CADM2: variants seen among roughly 807,000 people sequenced by gnomAD.
CADM2 encodes the protein immunoglobulin superfamily member 4D.
CADM2 carries 12 observed loss-of-function variants against 49.8 expected under a neutral mutation model. The observed-to-expected ratio is 0.24, with a 90% confidence interval of 0.15 to 0.39. The LOEUF is 0.39. CADM2 is among the 10% of genes least tolerant of loss of function. CADM2 has a pLI of 1.00. For missense variants in CADM2, 378 were observed against 492.3 expected (o/e 0.77, Z 2.20); for synonymous variants, 214 against 175.4 (o/e 1.22, Z -1.74).
In CADM2 at chr3:85,741,636, C is replaced by A. The variant is rs186497535; in HGVS notation, c.88+15088C>A. 1.5e-4 allele frequency among the ~76,000 whole-genome samples: 23 copies of A among 152,246 alleles called. 1 individual carries two copies. In the East Asian group the frequency reaches 4.5e-3, roughly 30 times the overall value. The stretch of plus-strand genomic sequence containing the variant: ...TGAGCCGAGATCGTGCCATTGCACT[C>A]CAGCCTGGGCGACAGGCAAGACTCT... On this transcript the variant is annotated intron_variant, in intron 2 of 9. Transcript: ENST00000383699.
chr3:85,398,841 G>A (rs2034935363), intron 1 of CADM2, among the ~76,000 whole-genome samples: 1 of 151,926 alleles, frequency 6.6e-6, no homozygotes, highest in African/African-American at 2.4e-5. Flanking sequence ...TTGCCCAGTT[G>A]TTGAGGGGGT....
At chr3:86,041,089 C>T (rs564391398) in intron 8 of CADM2, among the ~76,000 whole-genome samples, 12 of 152,250 alleles carry the variant, frequency 7.9e-5, no homozygotes, top group South Asian at 2.1e-4. Context: ...AAACACTAAA[C>T]GTGGAAAGGA....
chr3:85,151,694 G>A lies in CADM2; in HGVS notation c.61+192026G>A, dbSNP rs1397371765. 3.3e-5 allele frequency among the ~76,000 whole-genome samples: 5 copies of A among 152,116 alleles called. No homozygotes were observed. In the East Asian group the frequency reaches 9.7e-4, roughly 29 times the overall value. On this transcript the variant is annotated intron_variant, in intron 1 of 9. Coordinates refer to ENST00000383699, the MANE Select transcript of CADM2 (RefSeq NM_001167675.2). ...TATAACAAAATATCATCCAGTGGGT[G>A]GTTTGTAAATAACAATACATTCATT...
chr3:85,158,690 G>A (rs1367313096), intron 1 of CADM2, among the ~76,000 whole-genome samples: 1 of 152,098 alleles, frequency 6.6e-6, no homozygotes, highest in Non-Finnish European at 1.5e-5. Flanking sequence ...GGGGATTGTT[G>A]TGGGGTGTGG....
At chr3:85,394,039 C>T (rs1361822063) in intron 1 of CADM2, among the ~76,000 whole-genome samples, 2 of 152,108 alleles carry the variant, frequency 1.3e-5, no homozygotes, top group Non-Finnish European at 2.9e-5. Context: ...TCGTGATCCA[C>T]CCGCCTCGGC....
chr3:85,196,668 C>T (rs1354949756), intron 1 of CADM2, among the ~76,000 whole-genome samples: 2 of 151,904 alleles, frequency 1.3e-5, no homozygotes, highest in Non-Finnish European at 2.9e-5. Flanking sequence ...TGAGAATCCA[C>T]AGGAAAACTC....
chr3:85,352,113 A>T (rs1368745), intron 1 of CADM2, among the ~76,000 whole-genome samples: 146,977 of 152,238 alleles, frequency 0.97, 71,178 homozygotes, highest in East Asian at 1. Flanking sequence ...AAAGTGCAGG[A>T]AACTTATATT....
At chr3:85,802,307 G>T in intron 3 of CADM2, 111 bp downstream of exon 3, 1 of 916,844 alleles carries the variant, frequency 1.1e-6, no homozygotes, top group Non-Finnish European at 1.5e-6. Flanking sequence ...CCAAACTGCT[G>T]CTGCTTGTAT....
At position 85,052,125 on chromosome 3, in the gene CADM2, CAT is replaced by C. The variant is rs2035904656; in HGVS notation, c.61+92460_61+92461del. Among the ~76,000 whole-genome samples the C allele has an allele frequency of 2.0e-5, 3 of 152,084 alleles. No individual in the cohort carries two copies. The South Asian group carries it at 6.2e-4, about 31-fold the overall frequency. ...GACAATACTTTCCCTCATTCCAAAT[CAT>C]ATGTCTCTTAAAATAGTCTTTTATA... On this transcript the variant is annotated intron_variant, in intron 1 of 9. Coordinates refer to ENST00000383699, the MANE Select transcript of CADM2 (RefSeq NM_001167675.2).
At chr3:85,291,201 A>G (rs2043784631) in intron 1 of CADM2, among the ~76,000 whole-genome samples, 1 of 152,148 alleles carries the variant, frequency 6.6e-6, no homozygotes, top group African/African-American at 2.4e-5. Context: ...ATGGAAGATG[A>G]AATGAATGAA....
At chr3:85,011,048 T>G (rs1393383031) in intron 1 of CADM2, among the ~76,000 whole-genome samples, 8 of 151,688 alleles carry the variant, frequency 5.3e-5, no homozygotes, top group Non-Finnish European at 1.0e-4. Context: ...GTATTTTTAG[T>G]AGAGACGGGG....
At chr3:85,970,438 G>C (rs1725979299) in intron 8 of CADM2, among the ~76,000 whole-genome samples, 1 of 151,274 alleles carries the variant, frequency 6.6e-6, no homozygotes, top group Non-Finnish European at 1.5e-5. Flanking sequence ...TTTTATTCAG[G>C]GATTGTGTTC....
chr3:85,986,618 A>G (rs909349874), intron 8 of CADM2, among the ~76,000 whole-genome samples: 2 of 152,224 alleles, frequency 1.3e-5, no homozygotes, highest in African/African-American at 4.8e-5. Flanking sequence ...ATCTACAAAA[A>G]GACTGATTTC....
intron 1 of CADM2, among the ~76,000 whole-genome samples, chr3:85,255,328 A>T (rs939325137): frequency 6.6e-5 from 10 of 152,032 alleles, no homozygotes; most frequent in African/African-American, 2.2e-4. Context: ...ACTTAAAGGT[A>T]TTTAAAGAAG....
intron 1 of CADM2, among the ~76,000 whole-genome samples, chr3:85,468,518 A>T (rs914378078): frequency 1.3e-5 from 2 of 152,212 alleles, no homozygotes; most frequent in Middle Eastern, 3.2e-3. Context: ...AAGTGAGTAT[A>T]TAGTTCACAT....
intron 1 of CADM2, among the ~76,000 whole-genome samples, chr3:85,563,392 G>C (rs566607599): frequency 2.0e-4 from 24 of 121,924 alleles, no homozygotes; most frequent in African/African-American, 5.9e-4. Context: ...TGCAAAAACA[G>C]GGAATTTTTG....
chr3:85,909,582 T>C (rs1007339824), intron 5 of CADM2, among the ~76,000 whole-genome samples: 2 of 152,124 alleles, frequency 1.3e-5, no homozygotes, highest in African/African-American at 4.8e-5. Flanking sequence ...AAATATGGTC[T>C]GTGGGCTAGC....
chr3:85,143,235 C>T (rs1364198344), intron 1 of CADM2, among the ~76,000 whole-genome samples: 5 of 152,254 alleles, frequency 3.3e-5, no homozygotes, highest in Admixed American at 1.3e-4. Flanking sequence ...GTAATCTTAG[C>T]ACTTTCGGGG....
intron 1 of CADM2, among the ~76,000 whole-genome samples, chr3:85,324,231 T>G (rs2044689391): frequency 6.6e-6 from 1 of 152,158 alleles, no homozygotes; most frequent in South Asian, 2.1e-4. Context: ...TTTCTCTCTT[T>G]TAGAGGAATA....
Sources: allele counts gnomAD v4.1 joint callset (sites outside exome capture counted in the v4.1 genomes callset), GRCh38; gene constraint gnomAD v4.1.1; transcripts MANE v1.5; gene names NCBI Gene and HGNC (gene_info 2026-07-23, HGNC 2026-07-21).